Variants in FBXO5 observed in about 807,000 individuals in gnomAD.
FBXO5 encodes F-box only protein 5.
Under a neutral mutation model 43.3 loss-of-function variants are expected in FBXO5, and 8 were observed. The observed-to-expected ratio is 0.18, with a 90% CI of 0.11 to 0.33. The LOEUF is 0.33. FBXO5 is among the 10% of genes least tolerant of loss of function. FBXO5 has a pLI of 1.00. For missense variants in FBXO5, 491 were observed against 535.7 expected (o/e 0.92, Z 0.82); for synonymous variants, 204 against 193.7 (o/e 1.05, Z -0.44).
chr6:152,972,408 A>G lies in FBXO5; in HGVS notation c.956T>C (p.Val319Ala), dbSNP rs1323069380. The change falls in exon 4 of 5, where the codon GTT becomes GCT. Residue 319 changes from valine (V) to alanine (A), a missense_variant. By Grantham distance (64) the Val-to-Ala change is moderately conservative (BLOSUM62 0). Transcript: ENST00000229758. ...AGAAGCCAGTGGGGTTCTGAACATA[A>G]CATATTCTCTGGTTGAAGCATGAGG... ...FSPHASTREY[V>A]MFRTPLASVQ... is the part of the protein sequence containing the mutation. 6.2e-7 allele frequency: 1 copy of G among 1,610,096 alleles called. No homozygotes were observed. Among genetic ancestry groups the G allele is most frequent in the South Asian group, 1.1e-5 (1 of 90,078 alleles).
chr6:152,983,005 G>A lies in FBXO5; in HGVS notation c.-46C>T, dbSNP rs367948110. 2.5e-6 allele frequency: 3 copies of A among 1,222,362 alleles called. No homozygotes were observed. Among genetic ancestry groups the A allele is most frequent in the Non-Finnish European group, 3.2e-6 (3 of 937,644 alleles). 75.7% of individuals were successfully genotyped at this position (1,222,362 alleles called of 1,614,324 possible). ...CCTCAGGTGGAGGAACCGCTCCGGG[G>A]GCAGCTGAGCAACCTGCCTGCTTCA... On this transcript the variant is annotated 5_prime_UTR_variant, in exon 1 of 5. Transcript: ENST00000229758.
chr6:152,975,998 CAA>C (rs1321555833), intron 1 of FBXO5, among the ~76,000 whole-genome samples: 1 of 152,032 alleles, frequency 6.6e-6, no homozygotes, highest in Non-Finnish European at 1.5e-5. Context: ...TGTGATGTAT[CAA>C]AAGAGTAGGC....
In FBXO5 at chr6:152,982,908, TGCAG is replaced by T. The variant is rs1778287438; in HGVS notation, c.48_51del (p.Cys17AlafsTer7). 6.7e-7 allele frequency: 1 copy of T among 1,491,148 alleles called. No individual in the cohort carries two copies. The highest frequency in any genetic ancestry group is 8.9e-7 in the Non-Finnish European group (1 of 1,127,978). 92.4% of individuals were successfully genotyped at this position (1,491,148 alleles called of 1,614,324 possible). On this transcript the variant is annotated frameshift_variant, in exon 1 of 5. Transcript: ENST00000229758. LOFTEE classifies it high-confidence loss of function. ...GCTGTCACTGCGCTGGGGCTGGCGC[TGCAG>T]GAGCAGCGGGGTGGCCGTAGGGCGC...
At chr6:152,980,763 G>A (rs959411363) in intron 1 of FBXO5, among the ~76,000 whole-genome samples, 2 of 152,124 alleles carry the variant, frequency 1.3e-5, no homozygotes, top group Non-Finnish European at 2.9e-5. Context: ...AAGAAAAGGA[G>A]AGTAAAAAAA....
chr6:152,981,305 T>C (rs985379038), intron 1 of FBXO5, among the ~76,000 whole-genome samples: 3 of 152,216 alleles, frequency 2.0e-5, no homozygotes, highest in African/African-American at 7.2e-5. Context: ...AACTTTTCAA[T>C]ATAGACCTGA....
At chr6:152,982,727 G>A (rs1778281940) in intron 1 of FBXO5, 130 bp downstream of exon 1, 3 of 580,820 alleles carry the variant, frequency 5.2e-6, no homozygotes, top group Non-Finnish European at 8.1e-6. Flanking sequence ...GCCGCCGCCC[G>A]AGGCCGGGCG....
At position 152,972,443 on chromosome 6, in the gene FBXO5, ATTG is replaced by A. The variant is rs752180245; in HGVS notation, c.918_920del (p.Asn307del). The A allele has an allele frequency of 6.3e-6, 10 of 1,587,944 alleles. No individual in the cohort carries two copies. The highest frequency in any genetic ancestry group is 5.5e-5 in the Admixed American group (3 of 54,936). ...TGGTTGAAGCATGAGGTGAAAATTT[ATTG>A]TTGTTTTCCTAATTTAAAAAAAAGT... On this transcript the variant is annotated inframe_deletion, in exon 4 of 5. Transcript: ENST00000229758.
chr6:152,982,742 GCA>G (rs1778282484), intron 1 of FBXO5, 113 bp downstream of exon 1: 2 of 673,670 alleles, frequency 3.0e-6, no homozygotes. Flanking sequence ...CGGGCGTGTG[GCA>G]TGGCCGCGCG....
chr6:152,982,267 CT>C (rs1778272055), intron 1 of FBXO5, among the ~76,000 whole-genome samples: 1 of 152,278 alleles, frequency 6.6e-6, no homozygotes, highest in African/African-American at 2.4e-5. Context: ...GGGGCTGCCC[CT>C]CAGGGCGCGG....
chr6:152,975,523 T>C lies in FBXO5; in HGVS notation c.202A>G (p.Ile68Val). ...SGLKLVKPDD[I>V]GRLVSYTPAY... ...GGGGTGTAGGAAACTAGTCTTCCAA[T>C]GTCATCAGGTTTTACCAGTTTAAGT... The change falls in exon 2 of 5, where the codon ATT becomes GTT. Residue 68 changes from isoleucine to valine, a missense_variant. Coordinates refer to ENST00000229758, the MANE Select transcript of FBXO5 (RefSeq NM_012177.5). 1 of 1,613,940 alleles carries C rather than the reference T, an allele frequency of 6.2e-7. No individual in the cohort carries two copies. The highest frequency in any genetic ancestry group is 2.2e-5 in the East Asian group (1 of 44,878).
rs1778285579 is a variant in FBXO5, at chr6:152,982,889, A to C, written c.71T>G (p.Val24Gly). ...GGGTCGAGGGCGCCCGGCGGCTGTCACTGCGCTGGGGCTGGCGCTGCAGGA... is the reference window on the plus strand; with the variant it reads ...GGGTCGAGGGCGCCCGGCGGCTGTCCCTGCGCTGGGGCTGGCGCTGCAGGA... ...RCSCSASPSA[V>G]TAAGRPRPSD... Residue 24 changes from valine to glycine, a missense_variant, in exon 1 of 5, where the codon GTG becomes GGG. By Grantham distance (109) the Val-to-Gly change is moderately radical. Coordinates refer to ENST00000229758, the MANE Select transcript of FBXO5 (RefSeq NM_012177.5). 6.6e-7 allele frequency: 1 copy of C among 1,513,014 alleles called. No individual in the cohort carries two copies. 93.7% of individuals were successfully genotyped at this position (1,513,014 alleles called of 1,614,324 possible).
Position 152,983,004 on chromosome 6 carries a change from G to T in FBXO5, c.-45C>A. 1 of 1,218,298 alleles carries T rather than the reference G, an allele frequency of 8.2e-7. No individual in the cohort carries two copies. The highest frequency in any genetic ancestry group is 3.2e-5 in the East Asian group (1 of 31,622). 75.5% of individuals were successfully genotyped at this position (1,218,298 alleles called of 1,614,324 possible). The stretch of plus-strand genomic sequence containing the variant: ...GCCTCAGGTGGAGGAACCGCTCCGG[G>T]GGCAGCTGAGCAACCTGCCTGCTTC... On this transcript the variant is annotated 5_prime_UTR_variant, in exon 1 of 5. Coordinates refer to ENST00000229758, the MANE Select transcript of FBXO5 (RefSeq NM_012177.5).
In FBXO5 at chr6:152,971,271, A is replaced by G; in HGVS notation, c.1236T>C (p.Asn412=). Residue 412 remains asparagine (N), a synonymous_variant, in exon 5 of 5, where the codon AAT becomes AAC. Transcript: ENST00000229758. The part of the protein sequence containing the change: ...GFDYCTKCLC[N]YHTTKDCSDG... ...CTGAACAGTCTTTAGTAGTATGATA[A>G]TTACAGAGACACTTCGTACAATAAT... 2 of 1,614,086 alleles carry G rather than the reference A, an allele frequency of 1.2e-6. No homozygotes were observed. The highest frequency in any genetic ancestry group is 1.7e-6 in the Non-Finnish European group (2 of 1,179,966).
rs762166609 is a variant in FBXO5 at position 152,971,253 on chromosome 6, G to T, written c.1254C>A (p.Asp418Glu). 1 of 1,614,018 alleles carries T rather than the reference G, an allele frequency of 6.2e-7. No individual in the cohort carries two copies. The highest frequency in any genetic ancestry group is 8.5e-7 in the Non-Finnish European group (1 of 1,179,946). ...KCLCNYHTTK[D>E]CSDGKLLKAS... Reference sequence around the variant, plus strand: ...CTTTGAGGAGCTTGCCATCTGAACAGTCTTTAGTAGTATGATAATTACAGA... The same window carrying T: ...CTTTGAGGAGCTTGCCATCTGAACATTCTTTAGTAGTATGATAATTACAGA... Residue 418 changes from aspartate to glutamate, a missense_variant, in exon 5 of 5, where the codon GAC becomes GAA. Physicochemically the swap from Asp to Glu is conservative, Grantham distance 45. Transcript: ENST00000229758.
At chr6:152,973,331 C>T in intron 2 of FBXO5, 195 bp from the exon 3 acceptor site, 1 of 530,830 alleles carries the variant, frequency 1.9e-6, no homozygotes, top group Non-Finnish European at 3.4e-6. Flanking sequence ...TTAAAAAGCT[C>T]CCTCCTCATT....
intron 1 of FBXO5, among the ~76,000 whole-genome samples, chr6:152,979,121 A>G (rs1778222282): frequency 6.6e-6 from 1 of 152,224 alleles, no homozygotes; most frequent in African/African-American, 2.4e-5. Context: ...TTATATTACT[A>G]ACAGTAATGC....
In FBXO5 at chr6:152,971,156, T is replaced by C. The variant is rs2129092935; in HGVS notation, c.*7A>G. The C allele has an allele frequency of 6.3e-7, 1 of 1,597,456 alleles. No individual in the cohort carries two copies. Among genetic ancestry groups the C allele is most frequent in the South Asian group, 1.1e-5 (1 of 87,840 alleles). On this transcript the variant is annotated 3_prime_UTR_variant, in exon 5 of 5. Coordinates refer to ENST00000229758, the MANE Select transcript of FBXO5 (RefSeq NM_012177.5). ...TCATGATCAGTAACAATTGATTTAA[T>C]AAGAGATCACAATCTTCGTAAATTC... is the stretch of plus-strand genomic sequence containing the variant.
chr6:152,983,540 C>T (rs1193101497), upstream of FBXO5: 1 of 152,368 alleles, frequency 6.6e-6, no homozygotes, highest in Non-Finnish European at 1.5e-5. Context: ...AAGACGGACC[C>T]TCCCCCCAGT....
Position 152,971,287 on chromosome 6 carries a change from G to C in FBXO5, c.1220C>G (p.Thr407Arg). 1 of 1,613,944 alleles carries C rather than the reference G, an allele frequency of 6.2e-7. No individual in the cohort carries two copies. The highest frequency in any genetic ancestry group is 8.5e-7 in the Non-Finnish European group (1 of 1,179,920). Residue 407 changes from threonine (T) to arginine (R), a missense_variant, in exon 5 of 5, where the codon ACG becomes AGG. Coordinates refer to ENST00000229758, the MANE Select transcript of FBXO5 (RefSeq NM_012177.5). ...AGTATGATAATTACAGAGACACTTC[G>C]TACAATAATCAAATCCACAGCCTTC... ...KREGCGFDYC[T>R]KCLCNYHTTK...
Sources: gnomAD v4.1 joint callset for allele counts (sites outside exome capture counted in the v4.1 genomes callset) on GRCh38, gnomAD v4.1.1 for gene constraint, MANE v1.5 for transcripts, NCBI Gene and HGNC (gene_info 2026-07-23, HGNC 2026-07-21) for gene names.